The following DOCK3 variants were observed in gnomAD, a reference collection of about 807,000 sequenced individuals.
DOCK3 encodes the protein dedicator of cytokinesis protein 3.
In DOCK3, 60 loss-of-function variants were observed where a neutral mutation model predicts 265.6. That is an observed-to-expected ratio of 0.23 (90% CI 0.18 to 0.28). DOCK3 has a LOEUF of 0.28. Ranked by LOEUF, DOCK3 falls within the 10% of genes least tolerant of loss-of-function variation. The pLI, the probability that DOCK3 is intolerant of heterozygous loss-of-function variation, is 1.00. For synonymous variants in DOCK3, 881 were observed against 938.0 expected (o/e 0.94, Z 1.11); for missense variants, 1,981 against 2,594.3 (o/e 0.76, Z 5.14).
chr3:51,319,893 A>T (rs2083587732), intron 32 of DOCK3, among the ~76,000 whole-genome samples: 1 of 152,126 alleles, frequency 6.6e-6, no homozygotes, highest in Non-Finnish European at 1.5e-5. Flanking sequence ...CAACAAAAAA[A>T]CGCAATAGCT....
chr3:50,827,724 A>C (rs2044851879), intron 2 of DOCK3, among the ~76,000 whole-genome samples: 1 of 152,300 alleles, frequency 6.6e-6, no homozygotes, highest in African/African-American at 2.4e-5. Context: ...TTAAACTGAC[A>C]ATCTGGATTA....
At chr3:50,683,624 C>T (rs1395223631) in intron 1 of DOCK3, among the ~76,000 whole-genome samples, 1 of 152,130 alleles carries the variant, frequency 6.6e-6, no homozygotes, top group Non-Finnish European at 1.5e-5. Context: ...TAGTTCATGG[C>T]TATGGTGTTT....
At chr3:51,025,081 T>C (rs2079756714) in intron 5 of DOCK3, among the ~76,000 whole-genome samples, 1 of 152,132 alleles carries the variant, frequency 6.6e-6, no homozygotes, top group South Asian at 2.1e-4. Context: ...TGCCCTAAGT[T>C]GCCTAGGGGA....
chr3:50,848,735 T>C (rs1296257228), intron 3 of DOCK3, among the ~76,000 whole-genome samples: 1 of 152,222 alleles, frequency 6.6e-6, no homozygotes, highest in East Asian at 1.9e-4. Flanking sequence ...TTCTTTAGCA[T>C]TGACCTTGTT....
intron 9 of DOCK3, among the ~76,000 whole-genome samples, chr3:51,135,759 G>A (rs944113751): frequency 6.6e-6 from 1 of 151,828 alleles, no homozygotes; most frequent in Non-Finnish European, 1.5e-5. Flanking sequence ...TCACTCTGTT[G>A]CCTAGGCTGG....
At chr3:51,375,873 C>T in intron 51 of DOCK3, 38 bp downstream of exon 51, 1 of 1,608,800 alleles carries the variant, frequency 6.2e-7, no homozygotes, top group Non-Finnish European at 8.5e-7. Flanking sequence ...CATGTCTGTC[C>T]CCATCCTGAG....
chr3:50,721,445 A>C (rs2108020278), intron 1 of DOCK3, among the ~76,000 whole-genome samples: 1 of 152,282 alleles, frequency 6.6e-6, no homozygotes, highest in Non-Finnish European at 1.5e-5. Flanking sequence ...TTGAATAGGG[A>C]GTTCTTTCCC....
chr3:51,152,617 C>G (rs1374398561), intron 10 of DOCK3, among the ~76,000 whole-genome samples: 1 of 152,096 alleles, frequency 6.6e-6, no homozygotes, highest in African/African-American at 2.4e-5. Context: ...CTGGCTTCTC[C>G]CCATCTTTGT....
At chr3:51,342,893 CAG>C (rs1210907625) in intron 38 of DOCK3, among the ~76,000 whole-genome samples, 1 of 152,144 alleles carries the variant, frequency 6.6e-6, no homozygotes, top group Non-Finnish European at 1.5e-5. Flanking sequence ...TCTGGAGGAG[CAG>C]AGTCTATGCT....
intron 27 of DOCK3, among the ~76,000 whole-genome samples, chr3:51,290,782 T>A (rs987532263): frequency 6.6e-6 from 1 of 152,012 alleles, no homozygotes; most frequent in Non-Finnish European, 1.5e-5. Context: ...GGTCAAAAAT[T>A]ATAAAAAGAG....
At chr3:51,216,842 C>T (rs532732957) in intron 14 of DOCK3, among the ~76,000 whole-genome samples, 1 of 152,252 alleles carries the variant, frequency 6.6e-6, no homozygotes, top group Admixed American at 6.5e-5. Flanking sequence ...GAGTCTTTTT[C>T]AAACCCTGGG....
chr3:51,287,913 A>C (rs1164503797), intron 27 of DOCK3, among the ~76,000 whole-genome samples: 1 of 152,270 alleles, frequency 6.6e-6, no homozygotes, highest in Admixed American at 6.5e-5. Context: ...GACTAGATAA[A>C]GAAAGTGTGC....
chr3:50,694,461 T>C (rs2035476968), intron 1 of DOCK3, among the ~76,000 whole-genome samples: 1 of 152,170 alleles, frequency 6.6e-6, no homozygotes, highest in Admixed American at 6.5e-5. Flanking sequence ...ACATAGCTAC[T>C]GTTTCTTAGC....
At chr3:50,733,872 T>G (rs1281991556) in intron 1 of DOCK3, among the ~76,000 whole-genome samples, 1 of 152,210 alleles carries the variant, frequency 6.6e-6, no homozygotes, top group Non-Finnish European at 1.5e-5. Context: ...TGTTTATCAT[T>G]TATGTATCTA....
chr3:51,339,780 C>A (rs559153594), intron 37 of DOCK3, among the ~76,000 whole-genome samples: 1 of 152,296 alleles, frequency 6.6e-6, no homozygotes, highest in South Asian at 2.1e-4. Context: ...ACTGTGGTGA[C>A]CAGCCATTAT....
chr3:51,361,869 T>C lies in DOCK3; in HGVS notation c.5017T>C (p.Leu1673=), dbSNP rs760550960. The change falls in exon 48 of 53, where the codon TTG becomes CTG. Residue 1673 remains leucine (L), a synonymous_variant. Coordinates refer to ENST00000266037, the MANE Select transcript of DOCK3 (RefSeq NM_004947.5). The surrounding 1 kb of genome is among the most constrained non-coding windows in gnomAD (Gnocchi z 4.2). ...CACTCTTGCTCACAGCCCCATGAAC[T>C]TGATGGGCACAGGCCGCCATTCATC... ...KMTHRHSPMN[L]MGTGRHSSSS... 3.7e-6 allele frequency: 6 copies of C among 1,613,046 alleles called. No homozygotes were observed. The African/African-American group carries it at 5.3e-5, about 14-fold the overall frequency.
At chr3:50,915,321 G>A (rs2050059330) in intron 4 of DOCK3, among the ~76,000 whole-genome samples, 1 of 152,042 alleles carries the variant, frequency 6.6e-6, no homozygotes, top group Non-Finnish European at 1.5e-5. Context: ...TGTGAGGTCA[G>A]GTACAGGGGC....
chr3:50,909,085 C>G (rs1187337899), intron 4 of DOCK3, among the ~76,000 whole-genome samples: 5 of 151,764 alleles, frequency 3.3e-5, no homozygotes, highest in African/African-American at 1.2e-4. Context: ...TCCTCCATCT[C>G]TTTATTTTGA....
chr3:51,019,840 G>A (rs1363143052), intron 5 of DOCK3, among the ~76,000 whole-genome samples: 2 of 151,812 alleles, frequency 1.3e-5, no homozygotes, highest in African/African-American at 4.9e-5. Flanking sequence ...GTATTCCATG[G>A]TGTATATATA....
Sources: allele counts gnomAD v4.1 joint callset (sites outside exome capture counted in the v4.1 genomes callset), GRCh38; gene constraint gnomAD v4.1.1; non-coding constraint Gnocchi (gnomAD v3.1); transcripts MANE v1.5; gene names NCBI Gene and HGNC (gene_info 2026-07-23, HGNC 2026-07-21).